The following ABCA13 variants were observed in gnomAD, a reference collection of about 807,000 sequenced individuals.
The protein encoded by ABCA13 is ATP binding cassette subfamily A member 13, also known as ATP-binding cassette sub-family A member 13.
ABCA13 carries 476 observed loss-of-function variants against 478.7 expected under a neutral mutation model. That is an observed-to-expected ratio of 0.99 (90% CI 0.92 to 1.07). The LOEUF is 1.07. Among genes scored for constraint, ABCA13 ranks in the 50% least tolerant of loss-of-function variants. The probability of loss-of-function intolerance (pLI) is 0.00; values close to 1 mark genes in which losing one functional copy is unlikely to be tolerated. For missense variants in ABCA13, 6,060 were observed against 5,910.6 expected, an observed-to-expected ratio of 1.03 and a Z score of -0.83; for synonymous variants, 2,252 against 2,158.9, an observed-to-expected ratio of 1.04 and a Z score of -1.20.
chr7:48,342,735 GCTT>G (rs1410045057), intron 29 of ABCA13, among the ~76,000 whole-genome samples: 3 of 152,034 alleles, frequency 2.0e-5, no homozygotes, highest in East Asian at 1.9e-4. Flanking sequence ...AGTGTTCAAT[GCTT>G]CTTATTTCCT....
At chr7:48,421,193 T>TTC (rs199596707) in intron 41 of ABCA13, among the ~76,000 whole-genome samples, 1 of 110,554 alleles carries the variant, frequency 9.0e-6, no homozygotes, top group East Asian at 2.8e-4. Flanking sequence ...TAATTTCCTT[T>TTC]TCTCTCTCTT....
intron 15 of ABCA13, among the ~76,000 whole-genome samples, chr7:48,250,994 C>G (rs892628474): frequency 6.6e-6 from 1 of 152,178 alleles, no homozygotes; most frequent in South Asian, 2.1e-4. Context: ...TTATTTCATG[C>G]TGTTTTTTAA....
chr7:48,290,413 G>A (rs1268669872), intron 20 of ABCA13, among the ~76,000 whole-genome samples: 1 of 152,090 alleles, frequency 6.6e-6, no homozygotes, highest in African/African-American at 2.4e-5. Flanking sequence ...TTTCCACGTG[G>A]TGGTTTTACC....
intron 15 of ABCA13, among the ~76,000 whole-genome samples, chr7:48,249,922 C>T (rs957836409): frequency 6.6e-6 from 1 of 152,188 alleles, no homozygotes; most frequent in Non-Finnish European, 1.5e-5. Flanking sequence ...CTGGAATTAG[C>T]ATCAGATCCT....
intron 7 of ABCA13, among the ~76,000 whole-genome samples, chr7:48,233,519 T>C (rs921983833): frequency 2.0e-5 from 3 of 152,196 alleles, no homozygotes; most frequent in African/African-American, 7.2e-5. Context: ...AACTTTTTCT[T>C]ATGACTTCAA....
intron 59 of ABCA13, among the ~76,000 whole-genome samples, chr7:48,633,747 G>A (rs902837457): frequency 2.6e-5 from 4 of 151,492 alleles, no homozygotes; most frequent in African/African-American, 4.9e-5. Context: ...AAATTAGCTA[G>A]GTGTGGTGGC....
In ABCA13 at chr7:48,244,675, G is replaced by C. The variant is rs927107670; in HGVS notation, c.1362G>C (p.Ala454=). Residue 454 remains alanine, a synonymous_variant, in exon 11 of 62, where the codon GCG becomes GCC. Coordinates refer to ENST00000435803, the MANE Select transcript of ABCA13 (RefSeq NM_152701.5). The part of the protein sequence containing the change: ...FLQLDGALRN[A]IAQNLHFVQE... ...AGCTTGATGGAGCTCTCAGAAATGCGATAGCTCAGAATTTACATTTTGTCC... is the reference window on the plus strand; with the variant it reads ...AGCTTGATGGAGCTCTCAGAAATGCCATAGCTCAGAATTTACATTTTGTCC... 6.2e-7 allele frequency: 1 copy of C among 1,607,200 alleles called. No individual in the cohort carries two copies. The highest frequency in any genetic ancestry group is 2.2e-5 in the East Asian group (1 of 44,734).
At chr7:48,289,650 C>T (rs757116602) in intron 20 of ABCA13, among the ~76,000 whole-genome samples, 3 of 152,164 alleles carry the variant, frequency 2.0e-5, no homozygotes, top group East Asian at 3.9e-4. Context: ...TGAGCCACCT[C>T]GCCCGGCCCC....
In ABCA13 at chr7:48,407,646, T is replaced by C. The variant is rs1050474773; in HGVS notation, c.12071-2874T>C. ...ATCTCAGCTCACTGCAACCTCTGCC[T>C]CCTGGGCTCAAGCAATTCTCCTGCC... On this transcript the variant is annotated intron_variant, in intron 39 of 61. Coordinates refer to ENST00000435803, the MANE Select transcript of ABCA13 (RefSeq NM_152701.5). Among the ~76,000 whole-genome samples the C allele has an allele frequency of 2.0e-5, 3 of 152,076 alleles. No homozygotes were observed. In the East Asian group the frequency reaches 5.8e-4, roughly 30 times the overall value.
intron 48 of ABCA13, among the ~76,000 whole-genome samples, chr7:48,500,906 T>C (rs1299229143): frequency 6.6e-6 from 1 of 152,204 alleles, no homozygotes; most frequent in Non-Finnish European, 1.5e-5. Flanking sequence ...GTGAGTGGGC[T>C]ATAGTACCCT....
At chr7:48,523,674 G>C (rs535419981) in intron 53 of ABCA13, among the ~76,000 whole-genome samples, 11 of 152,154 alleles carry the variant, frequency 7.2e-5, no homozygotes, top group African/African-American at 2.6e-4. Context: ...TTGCAAATTA[G>C]AAAGAAGATT....
intron 42 of ABCA13, among the ~76,000 whole-genome samples, chr7:48,441,019 T>G (rs1242309248): frequency 6.6e-6 from 1 of 152,164 alleles, no homozygotes; most frequent in African/African-American, 2.4e-5. Context: ...AAGAATCAAT[T>G]TAAGTATTTC....
Position 48,467,062 on chromosome 7 carries a change from C to T in ABCA13, c.12905+17C>T. 6.2e-7 allele frequency: 1 copy of T among 1,611,798 alleles called. No individual in the cohort carries two copies. Among genetic ancestry groups the T allele is most frequent in the Non-Finnish European group, 8.5e-7 (1 of 1,177,904 alleles). ...CCCACGCCAGTAAGTGTCAGGTGCT[C>T]TCTGCAAAAGTGAACACTCCCAACT... is the stretch of plus-strand genomic sequence containing the variant. On this transcript the variant is annotated intron_variant, in intron 44 of 61. Coordinates refer to ENST00000435803, the MANE Select transcript of ABCA13 (RefSeq NM_152701.5).
At chr7:48,615,445 C>T in intron 59 of ABCA13, 68 bp downstream of exon 59, 1 of 1,397,376 alleles carries the variant, frequency 7.2e-7, no homozygotes, top group Non-Finnish European at 9.8e-7. Context: ...AGGGTTATGA[C>T]TGGAGATGCT....
chr7:48,562,988 A>G (rs1347352538), intron 55 of ABCA13, among the ~76,000 whole-genome samples: 2 of 151,982 alleles, frequency 1.3e-5, no homozygotes, highest in African/African-American at 2.4e-5. Flanking sequence ...GTGTATCTAC[A>G]TATATATATT....
At chr7:48,384,800 T>C (rs1814927249) in intron 35 of ABCA13, among the ~76,000 whole-genome samples, 1 of 152,180 alleles carries the variant, frequency 6.6e-6, no homozygotes, top group Admixed American at 6.5e-5. Context: ...GAGATCAAGG[T>C]GTAGGCCTGT....
At chr7:48,178,691 TAAAATA>T (rs1490582546) in intron 1 of ABCA13, among the ~76,000 whole-genome samples, 1 of 144,854 alleles carries the variant, frequency 6.9e-6, no homozygotes, top group Non-Finnish European at 1.5e-5. Flanking sequence ...TAAAAAAAAG[TAAAATA>T]AAATAAAATA....
intron 56 of ABCA13, among the ~76,000 whole-genome samples, chr7:48,582,554 T>C (rs1788806442): frequency 6.6e-6 from 1 of 152,128 alleles, no homozygotes; most frequent in Non-Finnish European, 1.5e-5. Context: ...CATTGTAACA[T>C]GGAGAGCCAC....
chr7:48,323,606 A>G (rs770206380), intron 27 of ABCA13, among the ~76,000 whole-genome samples: 1 of 152,234 alleles, frequency 6.6e-6, no homozygotes, highest in African/African-American at 2.4e-5. Flanking sequence ...CACTGCAGGT[A>G]GGTACTAATA....
Sources: allele counts gnomAD v4.1 joint callset (sites outside exome capture counted in the v4.1 genomes callset), GRCh38; gene constraint gnomAD v4.1.1; transcripts MANE v1.5; gene names NCBI Gene and HGNC (gene_info 2026-07-23, HGNC 2026-07-21).